The following PLXNB2 variants were observed in gnomAD, a reference collection of about 807,000 sequenced individuals.
The protein encoded by PLXNB2 is plexin B2.
PLXNB2 carries 85 observed loss-of-function variants against 202.6 expected under a neutral mutation model. The ratio of observed to expected loss-of-function variants is 0.42; its 90% CI spans 0.35 to 0.50. PLXNB2 has a LOEUF of 0.50. Among genes scored for constraint, PLXNB2 ranks in the 20% least tolerant of loss-of-function variants. The probability of loss-of-function intolerance (pLI) is 0.02; values close to 1 mark genes in which losing one functional copy is unlikely to be tolerated. For synonymous variants in PLXNB2, 1,239 were observed against 1,137.6 expected (o/e 1.09, Z -1.79); for missense variants, 2,063 against 2,586.2 (o/e 0.80, Z 4.39).
chr22:50,296,005 G>C (rs920494059), intron 1 of PLXNB2, among the ~76,000 whole-genome samples: 4 of 152,264 alleles, frequency 2.6e-5, no homozygotes, highest in African/African-American at 9.6e-5. Flanking sequence ...AGGAGGCCGA[G>C]GCAAGATAAT....
rs2065869806 is a variant in PLXNB2 at position 50,279,909 on chromosome 22, C to T, written c.4242+96G>A. 6.5e-6 allele frequency: 9 copies of T among 1,394,088 alleles called. No homozygotes were observed. In the East Asian group the frequency reaches 2.1e-4, roughly 32 times the overall value. 86.4% of individuals were successfully genotyped at this position (1,394,088 alleles called of 1,614,324 possible). On this transcript the variant is annotated intron_variant, in intron 26 of 36. Coordinates refer to ENST00000359337, the MANE Select transcript of PLXNB2 (RefSeq NM_012401.4). ...GGAAGCAAACCTGTCCAGGCAGGGC[C>T]CACCTCAAGGTGCCGTACAGATAGG...
rs917145277 is a variant in PLXNB2 at position 50,284,562 on chromosome 22, T to G, written c.2181+11A>C. 11 of 1,561,628 alleles carry G rather than the reference T, an allele frequency of 7.0e-6. No individual in the cohort carries two copies. The highest frequency in any genetic ancestry group is 9.5e-6 in the Non-Finnish European group (11 of 1,154,482). ...GTCCAGCAGCCGAGCCGGCCTGCCC[T>G]GGAGCCGTACCTTTGGGGTCCGAAA... On this transcript the variant is annotated intron_variant, in intron 12 of 36. Coordinates refer to ENST00000359337, the MANE Select transcript of PLXNB2 (RefSeq NM_012401.4). This position sits in a 1 kb window ranked among gnomAD's most constrained non-coding sequence, Gnocchi z 8.0.
chr22:50,279,525 G>C (rs990793336), intron 27 of PLXNB2, 105 bp downstream of exon 27: 49 of 1,105,944 alleles, frequency 4.4e-5, no homozygotes, highest in Non-Finnish European at 6.5e-5. Context: ...CCACAGAGGA[G>C]GTGGACGGCC....
intron 20 of PLXNB2, 21 bp from the exon 21 acceptor site, chr22:50,281,763 G>T (rs755902195): frequency 6.4e-7 from 1 of 1,559,220 alleles, no homozygotes. Context: ...GGCAGTGGTC[G>T]GGGTGAGGAG....
chr22:50,299,134 G>A (rs2067486496), intron 1 of PLXNB2, among the ~76,000 whole-genome samples: 1 of 152,216 alleles, frequency 6.6e-6, no homozygotes, highest in African/African-American at 2.4e-5. Flanking sequence ...GGGGATCCAG[G>A]CAGCAGCCGC....
Position 50,278,206 on chromosome 22 carries a change from C to T in PLXNB2, c.4798G>A (p.Glu1600Lys). Residue 1600 changes from glutamate to lysine, a missense_variant, in exon 31 of 37, where the codon GAG (glutamate) becomes AAG (lysine). Glu to Lys is a moderately conservative substitution (Grantham distance 56). Around this residue, in one of 2 missense-constraint regions of PLXNB2, gnomAD observed 760 missense variants for 1,109.4 expected, o/e 0.69. Transcript: ENST00000359337. ...ACGCTGCCTCTCTTGGACTTGCCCT[C>T]GTCCACCTCGTCGGTCGGCCGCACC... ...HLVRPTDEVDEGKSKRGSVKE... is the reference protein window; with the variant it reads ...HLVRPTDEVDKGKSKRGSVKE... 1 of 1,609,050 alleles carries T rather than the reference C, an allele frequency of 6.2e-7. No individual in the cohort carries two copies. The highest frequency in any genetic ancestry group is 8.5e-7 in the Non-Finnish European group (1 of 1,179,906).
In PLXNB2 at chr22:50,280,963, G is replaced by A. The variant is rs750672460; in HGVS notation, c.3774C>T (p.Ile1258=). The change falls in exon 24 of 37, where the codon ATC becomes ATT. Residue 1258 remains isoleucine, a synonymous_variant. Coordinates refer to ENST00000359337, the MANE Select transcript of PLXNB2 (RefSeq NM_012401.4). ...CGTCGTTGGTCTGGTCCTCCATCTC[G>A]ATCATCAGGTCTGGGGGGAGGCTGG... The part of the protein sequence containing the change: ...RCKKEFTDLM[I]EMEDQTNDVH... 63 of 1,612,996 alleles carry A rather than the reference G, an allele frequency of 3.9e-5. No individual in the cohort carries two copies. The highest frequency in any genetic ancestry group is 3.4e-4 in the South Asian group (31 of 91,078).
intron 1 of PLXNB2, among the ~76,000 whole-genome samples, chr22:50,299,094 C>T (rs932300795): frequency 1.3e-5 from 2 of 152,200 alleles, no homozygotes; most frequent in African/African-American, 4.8e-5. Context: ...AGAGGAGGTG[C>T]ATGGGCAGCG....
At position 50,307,590 on chromosome 22, in the gene PLXNB2, C is replaced by T. The variant is rs1015693015; in HGVS notation, c.-111G>A. 1 of 981,340 alleles carries T rather than the reference C, an allele frequency of 1.0e-6. No individual in the cohort carries two copies. The allele number at this position is 981,340 out of a possible 1,614,324, so 60.8% of individuals were successfully genotyped here. On this transcript the variant is annotated 5_prime_UTR_variant, in exon 1 of 37. Transcript: ENST00000359337. The stretch of plus-strand genomic sequence containing the variant: ...CGCCAAGGCTCGATGGCGCCCGGGC[C>T]GCGCTCGGCGCTGCGCTCTGGCCCG...
At chr22:50,276,984 C>T (rs1473975845) in intron 33 of PLXNB2, 78 bp from the exon 34 acceptor site, 1 of 1,036,466 alleles carries the variant, frequency 9.6e-7, no homozygotes, top group Non-Finnish European at 1.5e-6. Context: ...GGGTAGCTTC[C>T]CCTGCCCCGA....
At chr22:50,279,862 G>A (rs372497462) in intron 26 of PLXNB2, 86 bp from the exon 27 acceptor site, 33 of 1,507,796 alleles carry the variant, frequency 2.2e-5, no homozygotes, top group African/African-American at 5.5e-5. Context: ...AGGCATGGAC[G>A]GGGCTGACCA....
chr22:50,300,796 C>T (rs1206578423), intron 1 of PLXNB2, among the ~76,000 whole-genome samples: 1 of 152,170 alleles, frequency 6.6e-6, no homozygotes, highest in African/African-American at 2.4e-5. Context: ...GGGTCACCAG[C>T]CCAGGATCCT....
At chr22:50,296,372 C>T (rs559396754) in intron 1 of PLXNB2, among the ~76,000 whole-genome samples, 2 of 145,088 alleles carry the variant, frequency 1.4e-5, no homozygotes, top group South Asian at 4.2e-4. Flanking sequence ...TGATTGTGGG[C>T]AACAGAGCGA....
intron 7 of PLXNB2, 41 bp downstream of exon 7, chr22:50,287,626 G>A (rs753533542): frequency 2.0e-5 from 31 of 1,514,298 alleles, no homozygotes; most frequent in Middle Eastern, 2.3e-4. Flanking sequence ...CACCTGGCCC[G>A]GCCTGGGGCC....
intron 1 of PLXNB2, among the ~76,000 whole-genome samples, chr22:50,305,026 G>A (rs144440043): frequency 9.8e-4 from 149 of 152,324 alleles, no homozygotes; most frequent in African/African-American, 3.3e-3. Context: ...CCCAGCTCAG[G>A]GGAAGGCAGC....
At chr22:50,293,781 A>C (rs976727829) in intron 2 of PLXNB2, among the ~76,000 whole-genome samples, 3 of 152,138 alleles carry the variant, frequency 2.0e-5, no homozygotes, top group African/African-American at 7.2e-5. Context: ...GCTTCCACCC[A>C]GGGAAGACAC....
Position 50,297,721 on chromosome 22 carries a change from A to G in PLXNB2, c.-73-2943T>C, listed in dbSNP as rs1601763797. Among the ~76,000 whole-genome samples, 2 of 152,148 alleles carry G rather than the reference A, an allele frequency of 1.3e-5. No individual in the cohort carries two copies. Among genetic ancestry groups the G allele is most frequent in the South Asian group, 4.1e-4 (2 of 4,826 alleles). On this transcript the variant is annotated intron_variant, in intron 1 of 36. Transcript: ENST00000359337. This position sits in a 1 kb window ranked among gnomAD's most constrained non-coding sequence, Gnocchi z 5.3. ...TGCACCCAGGGACCTCGAGGCCTGA[A>G]GTCCAGAGCCAGACCAGTGAGTTCA... is the stretch of plus-strand genomic sequence containing the variant.
In PLXNB2 at chr22:50,282,725, T is replaced by C. The variant is rs1227907456; in HGVS notation, c.2973A>G (p.Leu991=). The part of the protein sequence containing the change: ...ENPVLRAFEP[L]RSFASGGRSI... ...ACCAGCCTCACCTGGCAAAGCTTCG[T>C]AGCGGCTCGAAGGCTCGCAGTACGG... Residue 991 remains leucine (L), a synonymous_variant, in exon 18 of 37, where the codon CTA becomes CTG. Transcript: ENST00000359337. 1.3e-6 allele frequency: 2 copies of C among 1,543,546 alleles called. No homozygotes were observed. The highest frequency in any genetic ancestry group is 4.2e-5 in the Admixed American group (2 of 47,942).
chr22:50,284,710 C>T lies in PLXNB2; in HGVS notation c.2089-45G>A. 1 of 1,458,102 alleles carries T rather than the reference C, an allele frequency of 6.9e-7. No individual in the cohort carries two copies. The highest frequency in any genetic ancestry group is 9.6e-7 in the Non-Finnish European group (1 of 1,039,686). 90.3% of individuals were successfully genotyped at this position (1,458,102 alleles called of 1,614,324 possible). On this transcript the variant is annotated intron_variant, in intron 11 of 36. Transcript: ENST00000359337. This position sits in a 1 kb window ranked among gnomAD's most constrained non-coding sequence, Gnocchi z 8.0. ...GACCCTGGACAGGCGGCTGTGGCACCCTGGCCCTCCTCCCAGAACCCCTGC... is the reference window on the plus strand; with the variant it reads ...GACCCTGGACAGGCGGCTGTGGCACTCTGGCCCTCCTCCCAGAACCCCTGC...
Sources: gnomAD v4.1 joint callset for allele counts (sites outside exome capture counted in the v4.1 genomes callset) on GRCh38, gnomAD v4.1.1 for gene constraint, gnomAD v4.1.1 regional missense constraint, Gnocchi (gnomAD v3.1) non-coding constraint, MANE v1.5 for transcripts, NCBI Gene and HGNC (gene_info 2026-07-23, HGNC 2026-07-21) for gene names.